Variants in TAFA1 observed in about 807,000 individuals in gnomAD.
TAFA1 encodes TAFA chemokine like family member 1, also known as chemokine-like protein TAFA-1.
A neutral mutation model predicts 18.5 loss-of-function variants in TAFA1; 4 were observed. That is an observed-to-expected ratio of 0.22 (90% confidence interval 0.11 to 0.49). The LOEUF is 0.49. Ranked by LOEUF, TAFA1 falls within the 20% of genes least tolerant of loss-of-function variation. The pLI is 0.98. For missense variants in TAFA1, 147 were observed against 169.0 expected (o/e 0.87, Z 0.72); for synonymous variants, 56 against 55.2 (o/e 1.01, Z -0.06).
intron 2 of TAFA1, among the ~76,000 whole-genome samples, chr3:68,353,622 A>G (rs150292225): frequency 6.6e-6 from 1 of 152,178 alleles, no homozygotes; most frequent in Non-Finnish European, 1.5e-5. Context: ...AGGGAACAAT[A>G]GAAGGAAAAC....
At chr3:68,049,080 G>A (rs2064433228) in intron 2 of TAFA1, among the ~76,000 whole-genome samples, 1 of 152,072 alleles carries the variant, frequency 6.6e-6, no homozygotes, top group Non-Finnish European at 1.5e-5. Context: ...TTATAGCTGG[G>A]CACATTTTTT....
At chr3:68,224,190 G>T (rs2066768382) in intron 2 of TAFA1, among the ~76,000 whole-genome samples, 1 of 151,846 alleles carries the variant, frequency 6.6e-6, no homozygotes. Context: ...GGTAAATAAA[G>T]GTAAATGTAG....
intron 2 of TAFA1, among the ~76,000 whole-genome samples, chr3:68,009,694 AG>A (rs1704432744): frequency 1.3e-5 from 2 of 152,344 alleles, no homozygotes; most frequent in South Asian, 4.1e-4. Flanking sequence ...CAAAGATTAA[AG>A]TGATAGATCT....
chr3:68,139,040 G>T (rs1197247804), intron 2 of TAFA1, among the ~76,000 whole-genome samples: 5 of 152,128 alleles, frequency 3.3e-5, no homozygotes, highest in Non-Finnish European at 7.4e-5. Flanking sequence ...GTAGAAACAG[G>T]CAGATTGTTT....
intron 3 of TAFA1, among the ~76,000 whole-genome samples, chr3:68,477,424 G>T (rs796322975): frequency 6.6e-6 from 1 of 152,130 alleles, no homozygotes; most frequent in Non-Finnish European, 1.5e-5. Context: ...GCCCAGGCTG[G>T]AGTGCAGTGG....
intron 2 of TAFA1, among the ~76,000 whole-genome samples, chr3:68,325,001 A>G (rs76415569): frequency 2.0e-5 from 3 of 152,114 alleles, no homozygotes; most frequent in African/African-American, 2.4e-5. Context: ...TGGGTATTCT[A>G]TGAAATTGTT....
chr3:68,455,818 A>G (rs557011534), intron 3 of TAFA1, among the ~76,000 whole-genome samples: 51 of 152,178 alleles, frequency 3.4e-4, no homozygotes, highest in Non-Finnish European at 6.8e-4. Flanking sequence ...TGTAACACCA[A>G]TGGCATCTTC....
intron 2 of TAFA1, among the ~76,000 whole-genome samples, chr3:68,334,363 G>A (rs1031347683): frequency 6.6e-6 from 1 of 152,250 alleles, no homozygotes; most frequent in African/African-American, 2.4e-5. Context: ...TTTTGTTGTT[G>A]TTGTTGTTGT....
In TAFA1 at chr3:68,366,973, C is replaced by G. The variant is rs560157348; in HGVS notation, c.119-50307C>G. Reference sequence around the variant, plus strand: ...GGACATTGACCCTGACTCAAGGTCTCCAGAACTGACTGTCCTTACCCCCCA... The same window carrying G: ...GGACATTGACCCTGACTCAAGGTCTGCAGAACTGACTGTCCTTACCCCCCA... On this transcript the variant is annotated intron_variant, in intron 2 of 4. Coordinates refer to ENST00000478136, the MANE Select transcript of TAFA1 (RefSeq NM_213609.4). Among the ~76,000 whole-genome samples the G allele has an allele frequency of 2.0e-5, 3 of 152,234 alleles. No individual in the cohort carries two copies. In the East Asian group the frequency reaches 5.8e-4, roughly 29 times the overall value.
At chr3:68,187,525 G>T (rs1261190243) in intron 2 of TAFA1, among the ~76,000 whole-genome samples, 1 of 151,978 alleles carries the variant, frequency 6.6e-6, no homozygotes, top group Non-Finnish European at 1.5e-5. Flanking sequence ...GGGTGATATA[G>T]CTCATCTTTG....
chr3:68,107,883 A>G (rs1317796100), intron 2 of TAFA1, among the ~76,000 whole-genome samples: 1 of 152,142 alleles, frequency 6.6e-6, no homozygotes, highest in Non-Finnish European at 1.5e-5. Flanking sequence ...TGTTGATTTT[A>G]CAGAGGCCCT....
At chr3:68,415,544 T>C (rs1351660975) in intron 2 of TAFA1, among the ~76,000 whole-genome samples, 1 of 152,040 alleles carries the variant, frequency 6.6e-6, no homozygotes, top group Non-Finnish European at 1.5e-5. Flanking sequence ...AAACCATATT[T>C]TCAATCCCTC....
intron 3 of TAFA1, among the ~76,000 whole-genome samples, chr3:68,537,357 C>T (rs1016243955): frequency 6.6e-6 from 1 of 152,126 alleles, no homozygotes; most frequent in Non-Finnish European, 1.5e-5. Context: ...CATATAAAAA[C>T]TTACATACTA....
At chr3:67,996,134 T>G in the TAFA1 span, among the ~76,000 whole-genome samples, 18 of 152,276 alleles carry the variant, frequency 1.2e-4, no homozygotes, top group East Asian at 3.1e-3. Flanking sequence ...CAACAGTAAT[T>G]GAGTTCTAGT....
At chr3:68,245,085 A>G (rs2067050917) in intron 2 of TAFA1, among the ~76,000 whole-genome samples, 1 of 152,224 alleles carries the variant, frequency 6.6e-6, no homozygotes, top group Non-Finnish European at 1.5e-5. Context: ...ACCCTTAAAA[A>G]TACGTTTTTT....
In TAFA1 at chr3:68,385,901, C is replaced by G. The variant is rs2070092691; in HGVS notation, c.119-31379C>G. ...TCAGGGTAATTAGCATATCCATCAT[C>G]TTGAACATTGATTATTTCTTAGTGT... On this transcript the variant is annotated intron_variant, in intron 2 of 4. Transcript: ENST00000478136. Among the ~76,000 whole-genome samples, 3 of 152,182 alleles carry G rather than the reference C, an allele frequency of 2.0e-5. No individual in the cohort carries two copies. The South Asian group carries it at 6.2e-4, about 32-fold the overall frequency.
chr3:68,486,545 C>T (rs1417198487), intron 3 of TAFA1, among the ~76,000 whole-genome samples: 3 of 152,202 alleles, frequency 2.0e-5, no homozygotes, highest in Non-Finnish European at 4.4e-5. Flanking sequence ...ATTTGTGGAA[C>T]GCTCTTTGAT....
At chr3:68,476,360 G>A (rs181279158) in intron 3 of TAFA1, among the ~76,000 whole-genome samples, 44 of 152,276 alleles carry the variant, frequency 2.9e-4, no homozygotes, top group Admixed American at 5.2e-4. Context: ...AAAAGTGCTC[G>A]GGACCTGTCC....
At chr3:68,309,337 G>C (rs2068476922) in intron 2 of TAFA1, among the ~76,000 whole-genome samples, 1 of 152,082 alleles carries the variant, frequency 6.6e-6, no homozygotes, top group Non-Finnish European at 1.5e-5. Flanking sequence ...ACCTTGAAGG[G>C]ATAAGGAAGA....
Sources: allele counts gnomAD v4.1 joint callset (sites outside exome capture counted in the v4.1 genomes callset), GRCh38; gene constraint gnomAD v4.1.1; transcripts MANE v1.5; gene names NCBI Gene and HGNC (gene_info 2026-07-23, HGNC 2026-07-21).